PPP1R9A: variants seen among roughly 807,000 people sequenced by gnomAD.
PPP1R9A encodes the protein neurabin-1.
PPP1R9A carries 59 observed loss-of-function variants against 141.9 expected under a neutral mutation model. The ratio of observed to expected loss-of-function variants is 0.42; its 90% CI spans 0.34 to 0.52. The LOEUF is 0.52. PPP1R9A is among the 20% of genes least tolerant of loss of function. PPP1R9A has a pLI of 0.10. For synonymous variants in PPP1R9A, 500 were observed against 569.7 expected (o/e 0.88, Z 1.74); for missense variants, 1,444 against 1,611.9 (o/e 0.90, Z 1.78).
intron 5 of PPP1R9A, among the ~76,000 whole-genome samples, chr7:95,182,706 C>G (rs372042720): frequency 6.6e-6 from 1 of 152,086 alleles, no homozygotes; most frequent in Non-Finnish European, 1.5e-5. Flanking sequence ...CTAAGACTAC[C>G]GCTTGCCCTA....
chr7:95,096,220 A>C (rs1817996671), intron 2 of PPP1R9A, among the ~76,000 whole-genome samples: 1 of 152,286 alleles, frequency 6.6e-6, no homozygotes, highest in East Asian at 1.9e-4. Context: ...TAAAAATGTA[A>C]CATGTATTTG....
At chr7:95,086,996 A>C (rs549425188) in intron 2 of PPP1R9A, among the ~76,000 whole-genome samples, 2 of 151,866 alleles carry the variant, frequency 1.3e-5, no homozygotes, top group East Asian at 3.9e-4. Context: ...CAGCCTGAGC[A>C]ACATAGTGAG....
At chr7:95,139,486 G>C (rs1332604783) in intron 4 of PPP1R9A, among the ~76,000 whole-genome samples, 2 of 152,064 alleles carry the variant, frequency 1.3e-5, no homozygotes, top group African/African-American at 4.8e-5. Context: ...TTGTGCTTTT[G>C]CCTCATGTCT....
chr7:94,985,730 C>T (rs191336497), intron 2 of PPP1R9A, among the ~76,000 whole-genome samples: 3 of 151,992 alleles, frequency 2.0e-5, no homozygotes, highest in East Asian at 1.9e-4. Context: ...TGTCTCTGCA[C>T]GTGAGATAGG....
At chr7:95,180,312 A>T (rs1212215215) in intron 5 of PPP1R9A, among the ~76,000 whole-genome samples, 1 of 152,114 alleles carries the variant, frequency 6.6e-6, no homozygotes, top group Admixed American at 6.6e-5. Flanking sequence ...TGGGATACAG[A>T]TTGGCTAGCT....
At chr7:95,025,544 T>C (rs1472008294) in intron 2 of PPP1R9A, among the ~76,000 whole-genome samples, 1 of 152,160 alleles carries the variant, frequency 6.6e-6, no homozygotes, top group Non-Finnish European at 1.5e-5. Flanking sequence ...CTGACGATTA[T>C]GTGTCTTGCA....
At chr7:95,079,263 C>G (rs1463403477) in intron 2 of PPP1R9A, among the ~76,000 whole-genome samples, 13 of 152,052 alleles carry the variant, frequency 8.5e-5, no homozygotes, top group Non-Finnish European at 1.0e-4. Flanking sequence ...TCTTGTTTTT[C>G]TCAGGTTTGT....
In PPP1R9A at chr7:95,293,054, A is replaced by G. The variant is rs1806582366; in HGVS notation, c.*2751A>G. The G allele has an allele frequency of 1.3e-5, 2 of 152,172 alleles. No homozygotes were observed. The highest frequency in any genetic ancestry group is 2.9e-5 in the Non-Finnish European group (2 of 68,038). The allele number at this position is 152,172 out of a possible 1,614,324, so 9.4% of individuals were successfully genotyped here. Reference sequence around the variant, plus strand: ...GGGAATATCTGGTTGCTATGAACTGATTCCCTAAAGGAGAGCTCAGTATGA... The same window carrying G: ...GGGAATATCTGGTTGCTATGAACTGGTTCCCTAAAGGAGAGCTCAGTATGA... On this transcript the variant is annotated 3_prime_UTR_variant, in exon 20 of 20. Coordinates refer to ENST00000433360, the MANE Select transcript of PPP1R9A (RefSeq NM_001166160.2).
intron 4 of PPP1R9A, among the ~76,000 whole-genome samples, chr7:95,136,561 A>G (rs1473866946): frequency 1.3e-5 from 2 of 152,242 alleles, no homozygotes; most frequent in Admixed American, 1.3e-4. Flanking sequence ...AGAAAATAAC[A>G]TTTTAAATGA....
chr7:95,065,547 A>AG (rs1713416651), intron 2 of PPP1R9A, among the ~76,000 whole-genome samples: 1 of 152,190 alleles, frequency 6.6e-6, no homozygotes, highest in African/African-American at 2.4e-5. Flanking sequence ...GCCTGTTTTC[A>AG]GGGGCTTTGA....
intron 17 of PPP1R9A, among the ~76,000 whole-genome samples, chr7:95,285,628 G>A (rs1321822549): frequency 6.6e-6 from 1 of 152,184 alleles, no homozygotes; most frequent in Non-Finnish European, 1.5e-5. Flanking sequence ...CTCTGCGGGT[G>A]CAGTGAGAGA....
At chr7:95,147,175 C>A (rs1050058453) in intron 4 of PPP1R9A, among the ~76,000 whole-genome samples, 1 of 152,088 alleles carries the variant, frequency 6.6e-6, no homozygotes, top group African/African-American at 2.4e-5. Context: ...TTTCCTTGAG[C>A]AGTCATTTGT....
At chr7:95,118,204 G>A (rs1299051243) in intron 3 of PPP1R9A, among the ~76,000 whole-genome samples, 1 of 152,124 alleles carries the variant, frequency 6.6e-6, no homozygotes, top group Non-Finnish European at 1.5e-5. Context: ...CTCTGTGTAC[G>A]AAGATTTTAA....
intron 8 of PPP1R9A, among the ~76,000 whole-genome samples, chr7:95,237,124 C>G (rs1796794182): frequency 6.7e-6 from 1 of 148,990 alleles, no homozygotes. Flanking sequence ...AAAAAGCACC[C>G]TTGTTCCATA....
chr7:95,214,784 T>C (rs995879718), intron 7 of PPP1R9A, among the ~76,000 whole-genome samples: 3 of 152,088 alleles, frequency 2.0e-5, no homozygotes, highest in Admixed American at 6.5e-5. Flanking sequence ...TATTGGCAAA[T>C]AATGATTTTT....
intron 4 of PPP1R9A, among the ~76,000 whole-genome samples, chr7:95,135,750 C>T (rs532513159): frequency 6.6e-6 from 1 of 151,686 alleles, no homozygotes; most frequent in East Asian, 1.9e-4. Context: ...TTTGCCTTCT[C>T]AAGTGCTCTT....
intron 2 of PPP1R9A, among the ~76,000 whole-genome samples, chr7:94,993,185 C>A (rs1584163617): frequency 6.6e-6 from 1 of 151,650 alleles, no homozygotes; most frequent in East Asian, 1.9e-4. Flanking sequence ...TGTCAAAAAT[C>A]AGTTTTTTAT....
chr7:95,008,270 A>T (rs1803902122), intron 2 of PPP1R9A, among the ~76,000 whole-genome samples: 1 of 152,148 alleles, frequency 6.6e-6, no homozygotes, highest in African/African-American at 2.4e-5. Flanking sequence ...CATTTCTGTT[A>T]TCTGATTCAT....
At chr7:95,111,237 T>C (rs1820511592) in intron 2 of PPP1R9A, 22 bp from the exon 3 acceptor site, 1 of 1,558,388 alleles carries the variant, frequency 6.4e-7, no homozygotes, top group Non-Finnish European at 8.7e-7. Flanking sequence ...TGTATTATCA[T>C]CTTGTTGGCC....
Sources: gnomAD v4.1 joint callset for allele counts (sites outside exome capture counted in the v4.1 genomes callset) on GRCh38, gnomAD v4.1.1 for gene constraint, MANE v1.5 for transcripts, NCBI Gene and HGNC (gene_info 2026-07-23, HGNC 2026-07-21) for gene names.